Variants in DACH2 observed in about 807,000 individuals in gnomAD.
DACH2 encodes the protein dachshund homolog 2.
DACH2 carries 17 observed loss-of-function variants against 35.8 expected under a neutral mutation model. The ratio of observed to expected loss-of-function variants is 0.48; its 90% CI spans 0.33 to 0.71. DACH2 has a LOEUF of 0.71. DACH2 is among the 30% of genes least tolerant of loss of function. The pLI is 0.02. For synonymous variants in DACH2, 195 were observed against 177.3 expected, an observed-to-expected ratio of 1.10 and a Z score of -0.79; for missense variants, 469 against 472.7, an observed-to-expected ratio of 0.99 and a Z score of 0.07.
chrX:86,365,830 C>G (rs1022096531), intron 1 of DACH2, among the ~76,000 whole-genome samples: 2 of 111,147 alleles, frequency 1.8e-5, no homozygotes, highest in African/African-American at 6.5e-5. Flanking sequence ...ATAATTGAAG[C>G]CTAGTGAGGG....
At chrX:86,831,872 A>G (rs1456753882) in intron 11 of DACH2, 2 of 335,145 alleles carry the variant, frequency 6.0e-6, no homozygotes, top group Non-Finnish European at 1.0e-5. Context: ...TCAGTCTTCA[A>G]TGTCTCCGGT....
At chrX:86,425,951 G>A (rs2036886876) in intron 2 of DACH2, among the ~76,000 whole-genome samples, 1 of 111,188 alleles carries the variant, frequency 9.0e-6, no homozygotes, top group Non-Finnish European at 1.9e-5. Context: ...GACCTGCAAT[G>A]AGCAGGTAGT....
chrX:86,757,754 G>A lies in DACH2; in HGVS notation c.1240+17872G>A, dbSNP rs767097862. ...TCCTCCTGCTCCAGCCACGTAGGAC[G>A]TGCTGCTTCCTCTTAGCCTTCCACC... is the stretch of plus-strand genomic sequence containing the variant. On this transcript the variant is annotated intron_variant, in intron 7 of 11. Transcript: ENST00000373125. Among the ~76,000 whole-genome samples the A allele has an allele frequency of 2.8e-4, 31 of 111,977 alleles. No homozygotes were observed. The East Asian group carries it at 7.7e-3, about 28-fold the overall frequency.
At chrX:86,161,809 C>G (rs1256800471) in intron 1 of DACH2, among the ~76,000 whole-genome samples, 1 of 111,867 alleles carries the variant, frequency 8.9e-6, no homozygotes, top group African/African-American at 3.2e-5. Context: ...CCTTGTCATG[C>G]TAGAGGACTG....
chrX:86,829,580 T>C (rs2042594501), intron 11 of DACH2: 1 of 111,826 alleles, frequency 8.9e-6, no homozygotes, highest in South Asian at 3.7e-4. Flanking sequence ...ACAGGGCAAG[T>C]CTCACATTTA....
At chrX:86,504,512 ATT>A (rs1017042744) in intron 2 of DACH2, among the ~76,000 whole-genome samples, 27 of 101,027 alleles carry the variant, frequency 2.7e-4, no homozygotes, top group African/African-American at 1.1e-3. Context: ...TTATTTATTT[ATT>A]TTAAAATTTC....
intron 1 of DACH2, among the ~76,000 whole-genome samples, chrX:86,298,257 C>A (rs767858257): frequency 9.0e-6 from 1 of 111,523 alleles, no homozygotes; most frequent in Non-Finnish European, 1.9e-5. Flanking sequence ...AGTGATTTGA[C>A]CCTCTTGGTC....
At chrX:86,518,759 G>T (rs62594974) in intron 3 of DACH2, among the ~76,000 whole-genome samples, 5,559 of 111,644 alleles carry the variant, frequency 0.05, 116 homozygotes, top group Middle Eastern at 0.1. Context: ...TCCTGCAACT[G>T]TGCTGAAGTT....
At chrX:86,530,495 C>G (rs1569429999) in intron 3 of DACH2, among the ~76,000 whole-genome samples, 1 of 111,098 alleles carries the variant, frequency 9.0e-6, no homozygotes, top group Non-Finnish European at 1.9e-5. Flanking sequence ...CTTTCTCTCT[C>G]TCTTTCTCTC....
At chrX:86,651,867 A>T (rs1402437808) in intron 4 of DACH2, among the ~76,000 whole-genome samples, 8 of 111,937 alleles carry the variant, frequency 7.1e-5, no homozygotes, top group Non-Finnish European at 1.3e-4. Flanking sequence ...GGAAAGATGG[A>T]TGGATAGATA....
chrX:86,308,561 C>T (rs943646808), intron 1 of DACH2, among the ~76,000 whole-genome samples: 3 of 112,001 alleles, frequency 2.7e-5, no homozygotes, highest in East Asian at 2.8e-4. Context: ...AATCATGGCC[C>T]CTTAATCAAT....
chrX:86,484,992 C>T (rs746942963), intron 2 of DACH2, among the ~76,000 whole-genome samples: 1 of 111,646 alleles, frequency 9.0e-6, no homozygotes, highest in East Asian at 2.8e-4. Context: ...AGAGATACAG[C>T]TGTCTCCGTC....
intron 7 of DACH2, among the ~76,000 whole-genome samples, chrX:86,792,515 A>G (rs746841737): frequency 9.0e-6 from 1 of 111,130 alleles, no homozygotes; most frequent in Non-Finnish European, 1.9e-5. Flanking sequence ...TAACCTCTTC[A>G]TCTCCTTCCC....
intron 3 of DACH2, among the ~76,000 whole-genome samples, chrX:86,644,653 G>A (rs1425793387): frequency 2.7e-5 from 3 of 111,682 alleles, no homozygotes; most frequent in Non-Finnish European, 5.7e-5. Context: ...CACATTACCT[G>A]ACTTCAAACT....
chrX:86,723,078 T>A (rs1357609089), intron 6 of DACH2, among the ~76,000 whole-genome samples: 1 of 112,210 alleles, frequency 8.9e-6, no homozygotes, highest in Non-Finnish European at 1.9e-5. Flanking sequence ...TAGGAATTTA[T>A]CCATTTCCTC....
chrX:86,629,861 C>T (rs776786341), intron 3 of DACH2, among the ~76,000 whole-genome samples: 8 of 110,750 alleles, frequency 7.2e-5, no homozygotes, highest in African/African-American at 1.3e-4. Flanking sequence ...AGCAACAGAG[C>T]GAGACCCTGT....
At chrX:86,260,986 G>A (rs1050191965) in intron 1 of DACH2, among the ~76,000 whole-genome samples, 3 of 112,057 alleles carry the variant, frequency 2.7e-5, no homozygotes, top group Non-Finnish European at 3.8e-5. Flanking sequence ...CTTACTTAAC[G>A]TTGCCCAGTC....
At chrX:86,157,291 TC>T (rs1386334874) in intron 1 of DACH2, among the ~76,000 whole-genome samples, 1 of 111,943 alleles carries the variant, frequency 8.9e-6, no homozygotes, top group East Asian at 2.8e-4. Context: ...TGTACAATGA[TC>T]TTATCAGGTT....
intron 3 of DACH2, among the ~76,000 whole-genome samples, chrX:86,547,524 AACACACACAC>A (rs751559427): frequency 0.015 from 1,378 of 90,794 alleles, 22 homozygotes; most frequent in African/African-American, 0.049. Context: ...CGTGCTGCAG[AACACACACAC>A]ACACACACAC....
Sources: gnomAD v4.1 joint callset for allele counts (sites outside exome capture counted in the v4.1 genomes callset) on GRCh38, gnomAD v4.1.1 for gene constraint, MANE v1.5 for transcripts, NCBI Gene and HGNC (gene_info 2026-07-23, HGNC 2026-07-21) for gene names.